Variants in MYO1E observed in about 807,000 individuals in gnomAD.
The protein encoded by MYO1E is myosin IE.
Under a neutral mutation model 151.1 loss-of-function variants are expected in MYO1E, and 68 were observed. The observed-to-expected ratio is 0.45, with a 90% confidence interval of 0.37 to 0.55. The LOEUF (loss-of-function observed/expected upper bound fraction) is 0.55. Among genes scored for constraint, MYO1E ranks in the 20% least tolerant of loss-of-function variants. The pLI is 0.00. For missense variants in MYO1E, 1,363 were observed against 1,389.3 expected (o/e 0.98, Z 0.30); for synonymous variants, 601 against 501.7 (o/e 1.20, Z -2.64).
intron 8 of MYO1E, among the ~76,000 whole-genome samples, chr15:59,224,465 A>C (rs2079976144): frequency 6.6e-6 from 1 of 152,164 alleles, no homozygotes. Context: ...GATAATGATG[A>C]ATTCATTTCT....
intron 4 of MYO1E, among the ~76,000 whole-genome samples, chr15:59,255,470 C>T (rs1239045873): frequency 5.9e-5 from 9 of 152,012 alleles, no homozygotes; most frequent in Admixed American, 1.3e-4. Context: ...TCTCAGCTCA[C>T]TGCAACCTCC....
chr15:59,142,518 T>C (rs2079416420), intron 26 of MYO1E, among the ~76,000 whole-genome samples: 1 of 152,354 alleles, frequency 6.6e-6, no homozygotes, highest in Admixed American at 6.5e-5. Flanking sequence ...GTCCTTCGTG[T>C]CTTCCTTGCC....
At position 59,271,633 on chromosome 15, in the gene MYO1E, G is replaced by A. The variant is rs117883366; in HGVS notation, c.147+673C>T. ...TAAAGCCCCATAAAAAATGGCATCC[G>A]GCAAGCTAAAATTGAAACATAAAGA... On this transcript the variant is annotated intron_variant, in intron 2 of 27. Coordinates refer to ENST00000288235, the MANE Select transcript of MYO1E (RefSeq NM_004998.4). Among the ~76,000 whole-genome samples the A allele has an allele frequency of 1.9e-3, 295 of 152,260 alleles. 1 individual carries two copies. The highest frequency in any genetic ancestry group is 3.5e-3 in the Non-Finnish European group (237 of 68,012).
intron 1 of MYO1E, among the ~76,000 whole-genome samples, chr15:59,321,188 G>T (rs747827660): frequency 1.5e-4 from 23 of 152,184 alleles, no homozygotes; most frequent in Non-Finnish European, 2.6e-4. Flanking sequence ...ACAACAGATG[G>T]TGGTAAGGCT....
intron 26 of MYO1E, among the ~76,000 whole-genome samples, chr15:59,153,021 G>A (rs780087689): frequency 2.2e-4 from 33 of 151,896 alleles, no homozygotes; most frequent in Non-Finnish European, 3.8e-4. Flanking sequence ...TTTTAAAACT[G>A]ATAGCTCTTT....
chr15:59,202,699 A>G (rs1423387731), intron 15 of MYO1E, among the ~76,000 whole-genome samples: 1 of 152,210 alleles, frequency 6.6e-6, no homozygotes, highest in African/African-American at 2.4e-5. Flanking sequence ...ATTGAGGTAT[A>G]TCTTGACAGA....
At chr15:59,205,248 A>C in intron 15 of MYO1E, 152 bp downstream of exon 15, 1 of 817,290 alleles carries the variant, frequency 1.2e-6, no homozygotes, top group Non-Finnish European at 2.1e-6. Flanking sequence ...GTGCAGCCTC[A>C]AACTCCTAGG....
At chr15:59,207,673 T>A (rs1380451955) in intron 14 of MYO1E, 1 of 1,614,210 alleles carries the variant, frequency 6.2e-7, no homozygotes. Context: ...GCATGGAGAC[T>A]CAAGTGTTCC....
Position 59,260,436 on chromosome 15 carries a change from T to C in MYO1E, c.237+984A>G, listed in dbSNP as rs372369626. ...TGGGTAAATTGCCTTCCACTTCAAC[T>C]GATGAATTTGTGTGGGCTCTCTTTT... On this transcript the variant is annotated intron_variant, in intron 3 of 27. Transcript: ENST00000288235. 2.0e-5 allele frequency among the ~76,000 whole-genome samples: 3 copies of C among 152,222 alleles called. No homozygotes were observed. In the South Asian group the frequency reaches 6.2e-4, roughly 32 times the overall value.
chr15:59,170,490 G>A (rs1052328914), intron 22 of MYO1E, among the ~76,000 whole-genome samples: 7 of 152,138 alleles, frequency 4.6e-5, no homozygotes, highest in Non-Finnish European at 8.8e-5. Flanking sequence ...GCCAGGAAGA[G>A]TGTGGCCAGC....
chr15:59,195,348 T>C (rs2079759975), intron 17 of MYO1E, 113 bp downstream of exon 17: 1 of 940,760 alleles, frequency 1.1e-6, no homozygotes. Flanking sequence ...TGCAAGGGCA[T>C]GACAAAGACA....
Position 59,163,157 on chromosome 15 carries a change from G to A in MYO1E, c.2627C>T (p.Thr876Met), listed in dbSNP as rs147596471. ...QKQLPLKFSN[T>M]LELKLKKENW... ...GTCTGGGTCCCAGATCCGGACTTAC[G>A]TATTGCTGAATTTCAGAGGTAGTTG... The change falls in exon 23 of 28, where the codon ACG (threonine) becomes ATG (methionine). Residue 876 changes from threonine to methionine, a missense_variant and splice_region_variant. Transcript: ENST00000288235. The A allele has an allele frequency of 1.3e-5, 21 of 1,613,852 alleles. No individual in the cohort carries two copies. The highest frequency in any genetic ancestry group is 1.6e-4 in the Middle Eastern group (1 of 6,084).
At position 59,153,771 on chromosome 15, in the gene MYO1E, T is replaced by A. The variant is rs1286375332; in HGVS notation, c.2899A>T (p.Ile967Phe). 6.2e-7 allele frequency: 1 copy of A among 1,613,906 alleles called. No homozygotes were observed. The highest frequency in any genetic ancestry group is 8.5e-7 in the Non-Finnish European group (1 of 1,179,770). The change falls in exon 26 of 28, where the codon ATC (isoleucine) becomes TTC (phenylalanine). Residue 967 changes from isoleucine to phenylalanine, a missense_variant. Physicochemically the swap from Ile to Phe is conservative, Grantham distance 21. Transcript: ENST00000288235. ...PPPGYHQNGV[I>F]RNQYVPYPHA... ...GGATATGGCACATACTGGTTTCTGATGACTCCGTTCTGATGGTATCCTAGA... is the reference window on the plus strand; with the variant it reads ...GGATATGGCACATACTGGTTTCTGAAGACTCCGTTCTGATGGTATCCTAGA...
chr15:59,349,751 C>G (rs892768704), intron 1 of MYO1E, among the ~76,000 whole-genome samples: 2 of 152,204 alleles, frequency 1.3e-5, no homozygotes, highest in Admixed American at 1.3e-4. Flanking sequence ...GCAGGTCAAG[C>G]AGGGATGTGT....
At chr15:59,148,266 A>AT (rs2079454031) in intron 26 of MYO1E, among the ~76,000 whole-genome samples, 1 of 152,220 alleles carries the variant, frequency 6.6e-6, no homozygotes, top group Non-Finnish European at 1.5e-5. Flanking sequence ...GAAAAAGGAA[A>AT]GAATGAATGA....
chr15:59,133,288 C>T lies in MYO1E; in HGVS notation c.*4092G>A, dbSNP rs2079354777. On this transcript the variant is annotated 3_prime_UTR_variant, in exon 28 of 28. Coordinates refer to ENST00000288235, the MANE Select transcript of MYO1E (RefSeq NM_004998.4). ...TTGGGAGGCTGAGGTGGGAGGATCA[C>T]CTGAGCCCTGGAGTTTGAGACTGCA... 1 of 152,222 alleles carries T rather than the reference C, an allele frequency of 6.6e-6. No homozygotes were observed. 9.4% of individuals were successfully genotyped at this position (152,222 alleles called of 1,614,324 possible).
intron 1 of MYO1E, among the ~76,000 whole-genome samples, chr15:59,334,728 T>C (rs1255520610): frequency 6.6e-6 from 1 of 152,194 alleles, no homozygotes; most frequent in Non-Finnish European, 1.5e-5. Flanking sequence ...AGGGCTTTCT[T>C]TCGCAGGCCC....
At chr15:59,331,694 A>G (rs1276138677) in intron 1 of MYO1E, among the ~76,000 whole-genome samples, 7 of 152,244 alleles carry the variant, frequency 4.6e-5, no homozygotes, top group Non-Finnish European at 1.0e-4. Flanking sequence ...CACCATCTAA[A>G]TTTCATTAGG....
chr15:59,158,427 A>G, intron 24 of MYO1E, 48 bp from the exon 25 acceptor site: 1 of 1,399,698 alleles, frequency 7.1e-7, no homozygotes, highest in Non-Finnish European at 9.9e-7. Context: ...GGTTGGTTTT[A>G]TGGATCCTCA....
Sources: gnomAD v4.1 joint callset for allele counts (sites outside exome capture counted in the v4.1 genomes callset) on GRCh38, gnomAD v4.1.1 for gene constraint, MANE v1.5 for transcripts, NCBI Gene and HGNC (gene_info 2026-07-23, HGNC 2026-07-21) for gene names.